SLC10A7: variants seen among roughly 807,000 people sequenced by gnomAD.
SLC10A7 encodes the protein solute carrier family 10 member 7.
SLC10A7 carries 29 observed loss-of-function variants against 43.2 expected under a neutral mutation model. The ratio of observed to expected loss-of-function variants is 0.67; its 90% CI spans 0.50 to 0.92. The LOEUF (loss-of-function observed/expected upper bound fraction) is 0.92, where lower values mean the gene tolerates loss of function less well. Ranked by LOEUF, SLC10A7 falls within the 40% of genes least tolerant of loss-of-function variation. The probability of loss-of-function intolerance (pLI) is 0.00; values close to 1 mark genes in which losing one functional copy is unlikely to be tolerated. For synonymous variants in SLC10A7, 152 were observed against 144.8 expected, an observed-to-expected ratio of 1.05 and a Z score of -0.35; for missense variants, 295 against 403.2, an observed-to-expected ratio of 0.73 and a Z score of 2.30.
At chr4:146,274,833 G>A (rs964842812) in intron 10 of SLC10A7, among the ~76,000 whole-genome samples, 8 of 152,098 alleles carry the variant, frequency 5.3e-5, no homozygotes, top group African/African-American at 1.9e-4. Flanking sequence ...TATTCTTTTG[G>A]CTGATGATGG....
At chr4:146,475,730 C>T (rs949609933) in intron 4 of SLC10A7, among the ~76,000 whole-genome samples, 4 of 152,006 alleles carry the variant, frequency 2.6e-5, no homozygotes, top group African/African-American at 9.7e-5. Flanking sequence ...ATTGATCAAA[C>T]AAGTAAAAAA....
chr4:146,514,131 T>G (rs981603155), intron 2 of SLC10A7: 3 of 152,234 alleles, frequency 2.0e-5, no homozygotes, highest in African/African-American at 7.2e-5. Context: ...GTCAGGCTCA[T>G]AGCTCTGGGC....
At chr4:146,274,133 C>T (rs935947538) in intron 10 of SLC10A7, among the ~76,000 whole-genome samples, 1 of 151,536 alleles carries the variant, frequency 6.6e-6, no homozygotes. Flanking sequence ...AGAAAGCAAG[C>T]TGCTTCTGGA....
chr4:146,481,204 A>G (rs1211011122), intron 4 of SLC10A7, among the ~76,000 whole-genome samples: 1 of 152,086 alleles, frequency 6.6e-6, no homozygotes, highest in Non-Finnish European at 1.5e-5. Context: ...TTCCCATCCC[A>G]AGGATTCAGA....
At chr4:146,493,519 G>T (rs950854749) in intron 4 of SLC10A7, among the ~76,000 whole-genome samples, 1 of 151,700 alleles carries the variant, frequency 6.6e-6, no homozygotes, top group African/African-American at 2.4e-5. Context: ...GGGAGAGAGA[G>T]ATATACCTGA....
chr4:146,304,411 A>C (rs1290187611), intron 7 of SLC10A7, among the ~76,000 whole-genome samples: 1 of 151,738 alleles, frequency 6.6e-6, no homozygotes, highest in Non-Finnish European at 1.5e-5. Context: ...CCCTCTACAC[A>C]CTGCTTTGAA....
chr4:146,325,684 GT>G (rs1733054468), intron 6 of SLC10A7, among the ~76,000 whole-genome samples: 1 of 152,154 alleles, frequency 6.6e-6, no homozygotes, highest in Non-Finnish European at 1.5e-5. Flanking sequence ...GAGCAGCGCA[GT>G]TTTTGTAACC....
At chr4:146,516,483 TATATACACATATAC>T (rs897040989) in intron 2 of SLC10A7, among the ~76,000 whole-genome samples, 8 of 148,030 alleles carry the variant, frequency 5.4e-5, no homozygotes, top group African/African-American at 1.7e-4. Context: ...TATGTGTATA[TATATACACATATAC>T]ATATACACAT....
At chr4:146,495,441 C>A (rs1462655403) in intron 4 of SLC10A7, among the ~76,000 whole-genome samples, 2 of 152,186 alleles carry the variant, frequency 1.3e-5, no homozygotes, top group Non-Finnish European at 2.9e-5. Context: ...GCAAGACCAA[C>A]TCCCCAATGA....
At chr4:146,342,441 A>G (rs1479656132) in intron 5 of SLC10A7, among the ~76,000 whole-genome samples, 3 of 151,818 alleles carry the variant, frequency 2.0e-5, no homozygotes, top group Non-Finnish European at 3.0e-5. Context: ...AGAAAAAAAT[A>G]AGAAGAAATA....
chr4:146,482,067 A>G (rs1734521549), intron 4 of SLC10A7, among the ~76,000 whole-genome samples: 1 of 152,222 alleles, frequency 6.6e-6, no homozygotes, highest in Admixed American at 6.5e-5. Flanking sequence ...AACCAGAGCC[A>G]CTATAATCTG....
chr4:146,268,459 T>C (rs1200594066), intron 10 of SLC10A7, among the ~76,000 whole-genome samples: 2 of 152,182 alleles, frequency 1.3e-5, no homozygotes, highest in African/African-American at 2.4e-5. Context: ...GCATTATTCA[T>C]GTTCTAGTTT....
chr4:146,414,721 TAA>T (rs111567819), intron 5 of SLC10A7, among the ~76,000 whole-genome samples: 4 of 141,650 alleles, frequency 2.8e-5, no homozygotes, highest in Non-Finnish European at 3.1e-5. Context: ...AGACTCCATC[TAA>T]AAAAAAAAAA....
intron 5 of SLC10A7, among the ~76,000 whole-genome samples, chr4:146,390,935 G>A (rs17021441): frequency 0.017 from 2,555 of 152,154 alleles, 81 homozygotes; most frequent in African/African-American, 0.058. Context: ...AGAAACTAAC[G>A]CTCAGAGCAA....
At chr4:146,377,831 A>G (rs1424360731) in intron 5 of SLC10A7, among the ~76,000 whole-genome samples, 2 of 152,216 alleles carry the variant, frequency 1.3e-5, no homozygotes, top group Non-Finnish European at 2.9e-5. Context: ...ACAAAGTGTG[A>G]AATGAACATC....
At chr4:146,326,576 CCT>C (rs1263298472) in intron 5 of SLC10A7, among the ~76,000 whole-genome samples, 1 of 152,182 alleles carries the variant, frequency 6.6e-6, no homozygotes, top group Admixed American at 6.5e-5. Context: ...CACCTCGGTC[CCT>C]CTGCCTCCCC....
At chr4:146,477,691 G>A (rs1261294348) in intron 4 of SLC10A7, among the ~76,000 whole-genome samples, 1 of 152,110 alleles carries the variant, frequency 6.6e-6, no homozygotes, top group Non-Finnish European at 1.5e-5. Flanking sequence ...TCCCACCACT[G>A]GGATTTATTC....
Position 146,521,687 on chromosome 4 carries a change from A to C in SLC10A7, c.31T>G (p.Trp11Gly), listed in dbSNP as rs1349481367. The change falls in exon 1 of 12, where the codon TGG becomes GGG. Residue 11 changes from tryptophan to glycine, a missense_variant. By Grantham distance (184) the Trp-to-Gly change is radical. Transcript: ENST00000335472. ...GCCAGCACTATTCCGACCATGAACC[A>C]GTCTTTCCTCATTCTCTCCAGCAGC... MRLLERMRKD[W>G]FMVGIVLAIA... 6.2e-7 allele frequency: 1 copy of C among 1,614,134 alleles called. No individual in the cohort carries two copies. The highest frequency in any genetic ancestry group is 8.5e-7 in the Non-Finnish European group (1 of 1,180,014).
At chr4:146,461,512 G>A (rs1032590871) in intron 4 of SLC10A7, among the ~76,000 whole-genome samples, 5 of 152,056 alleles carry the variant, frequency 3.3e-5, no homozygotes, top group Middle Eastern at 3.4e-3. Flanking sequence ...GGAAACAAGA[G>A]ACATCACAGT....
Sources: allele counts gnomAD v4.1 joint callset (sites outside exome capture counted in the v4.1 genomes callset), GRCh38; gene constraint gnomAD v4.1.1; transcripts MANE v1.5; gene names NCBI Gene and HGNC (gene_info 2026-07-23, HGNC 2026-07-21).